PRKACB: variants seen among roughly 807,000 people sequenced by gnomAD.
PRKACB encodes protein kinase cAMP-activated catalytic subunit beta.
PRKACB carries 16 observed loss-of-function variants against 51.4 expected under a neutral mutation model. The observed-to-expected ratio is 0.31, with a 90% CI of 0.21 to 0.47. The LOEUF (loss-of-function observed/expected upper bound fraction) is 0.47. Among genes scored for constraint, PRKACB ranks in the 20% least tolerant of loss-of-function variants. The pLI is 1.00. For missense variants in PRKACB, 309 were observed against 464.5 expected, an observed-to-expected ratio of 0.67 and a Z score of 3.08; for synonymous variants, 147 against 154.4, an observed-to-expected ratio of 0.95 and a Z score of 0.35.
chr1:84,199,664 A>T (rs1440303818), intron 7 of PRKACB, among the ~76,000 whole-genome samples: 1 of 152,108 alleles, frequency 6.6e-6, no homozygotes, highest in Admixed American at 6.5e-5. Flanking sequence ...CTGGGTGTAT[A>T]CCCAGTAGTG....
At chr1:84,114,977 G>A (rs115009910) in intron 1 of PRKACB, among the ~76,000 whole-genome samples, 86 of 152,158 alleles carry the variant, frequency 5.7e-4, no homozygotes, top group African/African-American at 1.9e-3. Context: ...TTGCTATTGC[G>A]AATAGTGCTG....
chr1:84,100,852 A>C (rs1649299622), intron 1 of PRKACB, among the ~76,000 whole-genome samples: 1 of 152,196 alleles, frequency 6.6e-6, no homozygotes, highest in African/African-American at 2.4e-5. Context: ...GAGGTAACTG[A>C]GGCATAGATT....
chr1:84,122,539 G>A (rs1651168670), intron 1 of PRKACB, among the ~76,000 whole-genome samples: 1 of 152,056 alleles, frequency 6.6e-6, no homozygotes, highest in African/African-American at 2.4e-5. Flanking sequence ...CATTAAACCA[G>A]CTCAATATAA....
At chr1:84,222,049 T>C (rs1410398044) in intron 9 of PRKACB, among the ~76,000 whole-genome samples, 1 of 152,192 alleles carries the variant, frequency 6.6e-6, no homozygotes, top group Admixed American at 6.5e-5. Context: ...TATTATTGTA[T>C]TGGAGTCTGT....
At chr1:84,150,004 C>T (rs1654630860) in intron 1 of PRKACB, among the ~76,000 whole-genome samples, 1 of 152,144 alleles carries the variant, frequency 6.6e-6, no homozygotes, top group Admixed American at 6.6e-5. Context: ...GTGGCTCACG[C>T]CTGTAATCCC....
intron 5 of PRKACB, among the ~76,000 whole-genome samples, chr1:84,188,180 TA>T (rs751847254): frequency 1.4e-5 from 2 of 148,068 alleles, no homozygotes; most frequent in Non-Finnish European, 3.0e-5. Context: ...TAAGTTTTTT[TA>T]AATCTGGAAA....
At chr1:84,144,681 G>A (rs1253795395) in intron 1 of PRKACB, 133 bp downstream of exon 1, 5 of 954,026 alleles carry the variant, frequency 5.2e-6, no homozygotes, top group Non-Finnish European at 7.5e-6. Context: ...GCAAGATGAA[G>A]TTGAAAGAAT....
At chr1:84,112,209 C>T (rs1420059429) in intron 1 of PRKACB, among the ~76,000 whole-genome samples, 1 of 150,164 alleles carries the variant, frequency 6.7e-6, no homozygotes, top group South Asian at 2.1e-4. Context: ...AGATGGTGTC[C>T]TAAGTTGGAC....
chr1:84,095,247 G>GT (rs5775776), intron 1 of PRKACB, among the ~76,000 whole-genome samples: 42,870 of 136,988 alleles, frequency 0.31, 6,632 homozygotes, highest in African/African-American at 0.34. Flanking sequence ...CATATTTGCT[G>GT]TTTTTTTTTT....
intron 3 of PRKACB, among the ~76,000 whole-genome samples, chr1:84,182,968 A>G (rs1044947184): frequency 2.0e-5 from 3 of 152,116 alleles, no homozygotes; most frequent in African/African-American, 7.2e-5. Context: ...ATTTGAAATC[A>G]TCTCAAGTCA....
intron 8 of PRKACB, among the ~76,000 whole-genome samples, chr1:84,206,768 T>C (rs1027034838): frequency 6.6e-6 from 1 of 152,152 alleles, no homozygotes; most frequent in Non-Finnish European, 1.5e-5. Context: ...AGTGAGCCAC[T>C]CTAATCCTTT....
At chr1:84,146,887 C>G (rs776101301) in intron 1 of PRKACB, among the ~76,000 whole-genome samples, 1 of 151,896 alleles carries the variant, frequency 6.6e-6, no homozygotes, top group African/African-American at 2.4e-5. Context: ...AACAGAAATT[C>G]CTGTTTGATT....
chr1:84,146,627 T>A (rs898170598), intron 1 of PRKACB, among the ~76,000 whole-genome samples: 1 of 152,000 alleles, frequency 6.6e-6, no homozygotes, highest in Non-Finnish European at 1.5e-5. Context: ...CTCCTGATGA[T>A]AAACACTGAA....
intron 1 of PRKACB, among the ~76,000 whole-genome samples, chr1:84,122,717 G>T (rs1018237360): frequency 6.6e-6 from 1 of 152,076 alleles, no homozygotes; most frequent in Non-Finnish European, 1.5e-5. Context: ...TTATATGGGG[G>T]ATCTTTGGAA....
chr1:84,117,856 T>G (rs1358424366), intron 1 of PRKACB, among the ~76,000 whole-genome samples: 6 of 152,324 alleles, frequency 3.9e-5, no homozygotes, highest in Non-Finnish European at 5.9e-5. Context: ...TGCTTTTCTA[T>G]TTTCTTGAAG....
intron 1 of PRKACB, among the ~76,000 whole-genome samples, chr1:84,110,042 A>G (rs1255777118): frequency 1.3e-5 from 2 of 151,792 alleles, no homozygotes; most frequent in Non-Finnish European, 2.9e-5. Flanking sequence ...TTCTTCCCCA[A>G]AGTGCATGTG....
chr1:84,140,593 C>T (rs570475756), upstream of PRKACB, among the ~76,000 whole-genome samples: 6 of 152,186 alleles, frequency 3.9e-5, no homozygotes, highest in African/African-American at 1.4e-4. Flanking sequence ...CATAGTTCTG[C>T]TTGGCCCCAA....
chr1:84,167,105 C>T lies in PRKACB; in HGVS notation c.188-12072C>T, dbSNP rs188368029. The stretch of plus-strand genomic sequence containing the variant: ...TACATCAAAAATCACTCAATATTCT[C>T]CAGTCTTACTGACACTGGGATGGCT... On this transcript the variant is annotated intron_variant, in intron 1 of 9. Coordinates refer to ENST00000370685, the MANE Select transcript of PRKACB (RefSeq NM_182948.4). Among the ~76,000 whole-genome samples the T allele has an allele frequency of 1.4e-3, 207 of 151,696 alleles. 1 individual carries two copies. The highest frequency in any genetic ancestry group is 3.4e-3 in the Middle Eastern group (1 of 294).
chr1:84,150,890 T>A (rs1654777514), intron 1 of PRKACB, among the ~76,000 whole-genome samples: 1 of 152,198 alleles, frequency 6.6e-6, no homozygotes, highest in Non-Finnish European at 1.5e-5. Flanking sequence ...TTAACTCCAT[T>A]CTTAATAAGT....
Sources: gnomAD v4.1 joint callset for allele counts (sites outside exome capture counted in the v4.1 genomes callset) on GRCh38, gnomAD v4.1.1 for gene constraint, MANE v1.5 for transcripts, NCBI Gene and HGNC (gene_info 2026-07-23, HGNC 2026-07-21) for gene names.